CDH23: variants seen among roughly 807,000 people sequenced by gnomAD.
CDH23 encodes cadherin related 23, also known as cadherin-23.
In CDH23, 189 loss-of-function variants were observed where a neutral mutation model predicts 317.1. The ratio of observed to expected loss-of-function variants is 0.60; its 90% CI spans 0.53 to 0.67. The LOEUF (loss-of-function observed/expected upper bound fraction) is 0.67, where lower values mean the gene tolerates loss of function less well. CDH23 is among the 30% of genes least tolerant of loss of function. The pLI, the probability that CDH23 is intolerant of heterozygous loss-of-function variation, is 0.00. For missense variants in CDH23, 4,401 were observed against 4,592.4 expected (o/e 0.96, Z 1.20); for synonymous variants, 1,839 against 1,876.8 (o/e 0.98, Z 0.52).
intron 8 of CDH23, among the ~76,000 whole-genome samples, chr10:71,575,160 C>G (rs1033866959): frequency 3.3e-5 from 5 of 152,162 alleles, no homozygotes; most frequent in Non-Finnish European, 7.3e-5. Context: ...AGCCACTTGC[C>G]TCTAGGTAGA....
intron 38 of CDH23, among the ~76,000 whole-genome samples, chr10:71,775,445 C>A (rs908521230): frequency 6.6e-6 from 1 of 152,206 alleles, no homozygotes; most frequent in Non-Finnish European, 1.5e-5. Context: ...GTTCCCTCCC[C>A]CCTTTTCACT....
chr10:71,461,893 C>G (rs1011133501), intron 3 of CDH23, among the ~76,000 whole-genome samples: 10 of 125,740 alleles, frequency 8.0e-5, no homozygotes, highest in African/African-American at 2.7e-4. Context: ...CCAAGAAATT[C>G]TTCAGTAATG....
chr10:71,802,643 C>T (rs1841588585), intron 53 of CDH23, among the ~76,000 whole-genome samples: 1 of 152,156 alleles, frequency 6.6e-6, no homozygotes, highest in South Asian at 2.1e-4. Context: ...TACCTGTTAA[C>T]CACTGTTCTA....
chr10:71,490,358 G>A (rs528926951), intron 3 of CDH23, among the ~76,000 whole-genome samples: 2 of 152,258 alleles, frequency 1.3e-5, no homozygotes, highest in South Asian at 4.1e-4. Context: ...TTTGAGAGCA[G>A]GATTTTTTTC....
chr10:71,645,694 C>G, intron 12 of CDH23, 137 bp from the exon 13 acceptor site: 1 of 972,774 alleles, frequency 1.0e-6, no homozygotes, highest in Non-Finnish European at 1.6e-6. Flanking sequence ...AAGCCCTGCT[C>G]TGTCCCAGCG....
At chr10:71,641,558 GGCTTCAGATCAGGATCA>G (rs1394894297) in intron 11 of CDH23, among the ~76,000 whole-genome samples, 1 of 152,166 alleles carries the variant, frequency 6.6e-6, no homozygotes, top group Non-Finnish European at 1.5e-5. Flanking sequence ...CTCAAAAGGT[GGCTTCAGATCAGGATCA>G]GCGTCGCCTG....
intron 6 of CDH23, among the ~76,000 whole-genome samples, chr10:71,560,058 G>C (rs1030536156): frequency 1.3e-5 from 2 of 152,098 alleles, no homozygotes; most frequent in Non-Finnish European, 2.9e-5. Context: ...ATTTGAGAAA[G>C]AAACATAGCC....
At chr10:71,409,881 T>A (rs1452739699) in intron 1 of CDH23, among the ~76,000 whole-genome samples, 1 of 152,152 alleles carries the variant, frequency 6.6e-6, no homozygotes, top group Non-Finnish European at 1.5e-5. Context: ...CACACTGGCC[T>A]GCCTGTAAGA....
At chr10:71,492,141 A>G (rs1369343043) in intron 3 of CDH23, among the ~76,000 whole-genome samples, 1 of 152,186 alleles carries the variant, frequency 6.6e-6, no homozygotes, top group African/African-American at 2.4e-5. Flanking sequence ...CATGGGTGAC[A>G]GGTGTCACAG....
chr10:71,593,547 A>G (rs1859639612), intron 9 of CDH23, among the ~76,000 whole-genome samples: 1 of 152,224 alleles, frequency 6.6e-6, no homozygotes, highest in Non-Finnish European at 1.5e-5. Context: ...AAATTTTTGC[A>G]ACAATTAAAA....
chr10:71,632,561 G>C (rs755563386), intron 11 of CDH23, among the ~76,000 whole-genome samples: 1 of 152,182 alleles, frequency 6.6e-6, no homozygotes, highest in Non-Finnish European at 1.5e-5. Context: ...CAGAGGTTGA[G>C]ATGAGGCTGC....
Position 71,613,183 on chromosome 10 carries a change from TTGAA to T in CDH23, c.833-2312_833-2309del, listed in dbSNP as rs1294224423. 1.6e-4 allele frequency among the ~76,000 whole-genome samples: 25 copies of T among 152,198 alleles called. 1 individual carries two copies. The highest frequency in any genetic ancestry group is 1.6e-3 in the Admixed American group (24 of 15,276). On this transcript the variant is annotated intron_variant, in intron 9 of 69. Transcript: ENST00000224721. ...ATTAGAGAAGCACAATAACTGTTTG[TTGAA>T]TGAATGAACAGATGAAAACACACAT... is the stretch of plus-strand genomic sequence containing the variant.
intron 38 of CDH23, among the ~76,000 whole-genome samples, chr10:71,763,869 G>T (rs1218862463): frequency 1.3e-5 from 2 of 152,158 alleles, no homozygotes; most frequent in African/African-American, 2.4e-5. Context: ...TCCTGCTAAG[G>T]TGTGAATGAC....
In CDH23 at chr10:71,790,390, T is replaced by A. The variant is rs201067092; in HGVS notation, c.6026T>A (p.Leu2009His). ...TYQLLGAQSG[L>H]FDINSSTGVV... The stretch of plus-strand genomic sequence containing the variant: ...CAGCTGCTGGGTGCCCAGAGTGGCC[T>A]CTTTGACATCAACAGCAGCACCGGT... Residue 2009 changes from leucine (L) to histidine (H), a missense_variant, in exon 46 of 70, where the codon CTC becomes CAC. Coordinates refer to ENST00000224721, the MANE Select transcript of CDH23 (RefSeq NM_022124.6). 4.3e-5 allele frequency: 70 copies of A among 1,613,314 alleles called. No individual in the cohort carries two copies. In the African/African-American group the frequency reaches 9.1e-4, roughly 21 times the overall value.
chr10:71,445,731 C>G lies in CDH23; in HGVS notation c.68-587C>G, dbSNP rs111729986. On this transcript the variant is annotated intron_variant, in intron 2 of 69. Transcript: ENST00000224721. ...CCTGGCATGGGGCATGCCTGTGGTC[C>G]CAGCTAATTGGGAGGCTGAGGCAGG... Among the ~76,000 whole-genome samples the G allele has an allele frequency of 2.6e-3, 397 of 151,480 alleles. 3 individuals are homozygous for G. The highest frequency in any genetic ancestry group is 8.5e-3 in the African/African-American group (352 of 41,254).
chr10:71,648,552 G>A (rs904723440), intron 14 of CDH23, among the ~76,000 whole-genome samples: 3 of 152,182 alleles, frequency 2.0e-5, no homozygotes, highest in African/African-American at 4.8e-5. Flanking sequence ...CCTTGGAAAG[G>A]GATGGGGAAA....
At chr10:71,542,539 T>C (rs1856042070) in intron 6 of CDH23, among the ~76,000 whole-genome samples, 1 of 152,184 alleles carries the variant, frequency 6.6e-6, no homozygotes, top group South Asian at 2.1e-4. Context: ...ATGTCAGTTC[T>C]CCAGGGCCCC....
chr10:71,446,501 G>C (rs1850177195), intron 3 of CDH23, 106 bp downstream of exon 3: 1 of 1,195,772 alleles, frequency 8.4e-7, no homozygotes, highest in Non-Finnish European at 1.2e-6. Flanking sequence ...ACCTGATTTT[G>C]GAATCTTTTC....
chr10:71,557,148 C>T (rs567046694), intron 6 of CDH23, among the ~76,000 whole-genome samples: 1 of 152,292 alleles, frequency 6.6e-6, no homozygotes, highest in African/African-American at 2.4e-5. Context: ...ATTTAGTGTA[C>T]ACAGTATTAT....
Sources: allele counts gnomAD v4.1 joint callset (sites outside exome capture counted in the v4.1 genomes callset), GRCh38; gene constraint gnomAD v4.1.1; transcripts MANE v1.5; gene names NCBI Gene and HGNC (gene_info 2026-07-23, HGNC 2026-07-21).